Variants in MED16 observed in about 807,000 individuals in gnomAD.
The protein encoded by MED16 is mediator of RNA polymerase II transcription subunit 16.
A neutral mutation model predicts 84.4 loss-of-function variants in MED16; 81 were observed. The ratio of observed to expected loss-of-function variants is 0.96; its 90% CI spans 0.80 to 1.15. The LOEUF (loss-of-function observed/expected upper bound fraction) is 1.15, where lower values mean the gene tolerates loss of function less well. Ranked by LOEUF, MED16 falls within the 50% of genes most tolerant of loss-of-function variation. The probability of loss-of-function intolerance (pLI) is 0.00; values close to 1 mark genes in which losing one functional copy is unlikely to be tolerated. For missense variants in MED16, 1,585 were observed against 1,245.9 expected (o/e 1.27, Z -4.10); for synonymous variants, 897 against 552.2 (o/e 1.62, Z -8.76).
intron 6 of MED16, among the ~76,000 whole-genome samples, chr19:883,807 C>T (rs1360775549): frequency 6.6e-6 from 1 of 152,124 alleles, no homozygotes; most frequent in Admixed American, 6.5e-5. Context: ...GCCAGCGCAG[C>T]CCAAACTGCC....
At chr19:883,150 G>T (rs372200845) in intron 6 of MED16, among the ~76,000 whole-genome samples, 3 of 152,236 alleles carry the variant, frequency 2.0e-5, no homozygotes, top group Non-Finnish European at 2.9e-5. Flanking sequence ...AAATGAGGGG[G>T]GACTTGAGGC....
At chr19:875,685 C>T (rs1427084837) in intron 9 of MED16, among the ~76,000 whole-genome samples, 2 of 152,156 alleles carry the variant, frequency 1.3e-5, no homozygotes, top group Non-Finnish European at 2.9e-5. Context: ...GGTGGGGGCC[C>T]CTGGTGATGT....
At chr19:881,498 A>G (rs1469207994) in intron 7 of MED16, 61 bp downstream of exon 7, 1 of 1,552,136 alleles carries the variant, frequency 6.4e-7, no homozygotes, top group East Asian at 2.3e-5. Flanking sequence ...GCCTGTGCTC[A>G]GGGCCCAACT....
intron 13 of MED16, 108 bp downstream of exon 13, chr19:870,929 A>G (rs1354164490): frequency 9.9e-7 from 1 of 1,013,768 alleles, no homozygotes; most frequent in African/African-American, 2.7e-5. Context: ...ATTCGGGGGG[A>G]CCTGGGGCAG....
chr19:871,114 C>A lies in MED16; in HGVS notation c.2238G>T (p.Gln746His). The change falls in exon 13 of 16, where the codon CAG becomes CAT. Residue 746 changes from glutamine (Q) to histidine (H), a missense_variant. Transcript: ENST00000325464. ...DGLVSRLQPK[Q>H]PLRLQFGRAP... ...CCCGGCCAAACTGCAGACGAAGGGG[C>A]TGCTTGGGCTGCAGGCGGCTAACCA... The A allele has an allele frequency of 2.6e-6, 4 of 1,548,712 alleles. No individual in the cohort carries two copies. The highest frequency in any genetic ancestry group is 3.5e-6 in the Non-Finnish European group (4 of 1,146,014).
chr19:877,184 CCAGAGA>C lies in MED16; in HGVS notation c.1354-10_1354-5del. Reference sequence around the variant, plus strand: ...GTGAGAGGCGGAGCACGCTCAGCTGCCAGAGACAGAGCCCAAGGAGAGCCCGGTGAG... The same window carrying C: ...GTGAGAGGCGGAGCACGCTCAGCTGCCAGAGCCCAAGGAGAGCCCGGTGAG... On this transcript the variant is annotated splice_polypyrimidine_tract_variant and splice_region_variant and intron_variant, in intron 8 of 15. Transcript: ENST00000325464. The C allele has an allele frequency of 6.2e-7, 1 of 1,605,352 alleles. No homozygotes were observed. Among genetic ancestry groups the C allele is most frequent in the Non-Finnish European group, 8.5e-7 (1 of 1,177,474 alleles).
At chr19:881,995 G>C (rs917454088) in intron 6 of MED16, among the ~76,000 whole-genome samples, 1 of 152,244 alleles carries the variant, frequency 6.6e-6, no homozygotes, top group Non-Finnish European at 1.5e-5. Context: ...GGCAGACAGT[G>C]GGGAGACGGC....
intron 13 of MED16, 67 bp downstream of exon 13, chr19:870,970 G>A: frequency 6.9e-7 from 1 of 1,451,652 alleles, no homozygotes; most frequent in Non-Finnish European, 9.3e-7. Flanking sequence ...TGTGGATTCG[G>A]GGGTCCCGGG....
Position 891,087 on chromosome 19 carries a change from C to T in MED16, c.45G>A (p.Leu15=). 1 of 1,614,042 alleles carries T rather than the reference C, an allele frequency of 6.2e-7. No individual in the cohort carries two copies. The highest frequency in any genetic ancestry group is 8.5e-7 in the Non-Finnish European group (1 of 1,179,990). The part of the protein sequence containing the change: ...RRPAAGGMMD[L]AYVCEWEKWS... The stretch of plus-strand genomic sequence containing the variant: ...ATTTCTCCCACTCACAGACGTAGGC[C>T]AAGTCCATCATCCCACCTGCCGCTG... The change falls in exon 2 of 16, where the codon TTG becomes TTA. Residue 15 remains leucine (L), a synonymous_variant. Transcript: ENST00000325464.
intron 6 of MED16, among the ~76,000 whole-genome samples, chr19:882,719 A>G (rs1251276051): frequency 6.6e-6 from 1 of 152,174 alleles, no homozygotes; most frequent in Non-Finnish European, 1.5e-5. Context: ...ACAGAAACAG[A>G]AACAGTGCAG....
rs771555441 is a variant in MED16 at position 875,248 on chromosome 19, G to A, written c.1767C>T (p.Asp589=). 3.7e-5 allele frequency: 60 copies of A among 1,605,958 alleles called. No homozygotes were observed. Among genetic ancestry groups the A allele is most frequent in the Middle Eastern group, 1.7e-4 (1 of 6,022 alleles). ...RLTEICTKIT[D]VDIDKVMINL... is the part of the protein sequence containing the mutation. ...CGGGCGTGGAAAAGGACCCACCGAC[G>A]TCGGTGATCTTGGTGCAGATCTCGG... The change falls in exon 10 of 16, where the codon GAC becomes GAT. Residue 589 remains aspartate, a synonymous_variant. Coordinates refer to ENST00000325464, the MANE Select transcript of MED16 (RefSeq NM_005481.3).
Position 868,845 on chromosome 19 carries a change from G to C in MED16, c.2399+18C>G. ...AGCGGCACATCTCTGGGAGTCAGCG[G>C]TTCCGGGGGCCCCTCACCTGGTGCA... is the stretch of plus-strand genomic sequence containing the variant. On this transcript the variant is annotated intron_variant, in intron 14 of 15. Transcript: ENST00000325464. The C allele has an allele frequency of 6.5e-7, 1 of 1,544,792 alleles. No homozygotes were observed.
intron 3 of MED16, 82 bp downstream of exon 3, chr19:890,055 C>T: frequency 8.7e-7 from 1 of 1,144,608 alleles, no homozygotes; most frequent in Non-Finnish European, 1.2e-6. Context: ...GCGCCGGACT[C>T]CAGACTGACC....
In MED16 at chr19:871,259, G is replaced by A. The variant is rs751800037; in HGVS notation, c.2099-6C>T. On this transcript the variant is annotated splice_region_variant and splice_polypyrimidine_tract_variant and intron_variant, in intron 12 of 15. Transcript: ENST00000325464. ...CGCTGGGCCCTCATCGCGACCTGCGGAGAGAGGTGGCGGAAGTCTCAGCAC... is the reference window on the plus strand; with the variant it reads ...CGCTGGGCCCTCATCGCGACCTGCGAAGAGAGGTGGCGGAAGTCTCAGCAC... The A allele has an allele frequency of 1.4e-5, 21 of 1,530,722 alleles. No homozygotes were observed. Among genetic ancestry groups the A allele is most frequent in the Admixed American group, 7.9e-5 (4 of 50,740 alleles). 94.8% of individuals were successfully genotyped at this position (1,530,722 alleles called of 1,614,324 possible).
At position 885,680 on chromosome 19, in the gene MED16, A is replaced by T. The variant is rs1203109955; in HGVS notation, c.879+90T>A. The T allele has an allele frequency of 9.0e-6, 13 of 1,438,356 alleles. No individual in the cohort carries two copies. In the African/African-American group the frequency reaches 1.5e-4, roughly 17 times the overall value. 89.1% of individuals were successfully genotyped at this position (1,438,356 alleles called of 1,614,324 possible). ...GCCCACACCACGGTTTAGCCCGTGG[A>T]GGCCCGCGCGGGTCTCCACCCCCAG... is the stretch of plus-strand genomic sequence containing the variant. On this transcript the variant is annotated intron_variant, in intron 5 of 15. Transcript: ENST00000325464.
chr19:870,853 T>G (rs1473924731), intron 13 of MED16, among the ~76,000 whole-genome samples, 184 bp downstream of exon 13: 11 of 21,960 alleles, frequency 5.0e-4, no homozygotes, highest in Admixed American at 2.7e-3. Flanking sequence ...GGGCAGGACA[T>G]GGAGGGAGGG....
chr19:872,639 CAG>C (rs1599319399), intron 11 of MED16, among the ~76,000 whole-genome samples: 3 of 140,530 alleles, frequency 2.1e-5, no homozygotes, highest in East Asian at 2.1e-4. Context: ...TGGGGCAGGA[CAG>C]AGTGTACCGG....
chr19:884,060 G>A (rs764407013), intron 6 of MED16, among the ~76,000 whole-genome samples: 8 of 152,120 alleles, frequency 5.3e-5, no homozygotes, highest in Non-Finnish European at 1.0e-4. Flanking sequence ...CTCTTGACAC[G>A]TGCTCATTAG....
intron 8 of MED16, among the ~76,000 whole-genome samples, chr19:879,674 A>AGG (rs2036367464): frequency 9.0e-6 from 1 of 111,340 alleles, no homozygotes; most frequent in African/African-American, 3.6e-5. Flanking sequence ...AATGCCCACC[A>AGG]GCCCCAGCCC....
Sources: allele counts gnomAD v4.1 joint callset (sites outside exome capture counted in the v4.1 genomes callset), GRCh38; gene constraint gnomAD v4.1.1; transcripts MANE v1.5; gene names NCBI Gene and HGNC (gene_info 2026-07-23, HGNC 2026-07-21).